DIP2C: variants seen among roughly 807,000 people sequenced by gnomAD.
The protein encoded by DIP2C is disco-interacting protein 2 homolog C.
A neutral mutation model predicts 192.4 loss-of-function variants in DIP2C; 33 were observed. That is an observed-to-expected ratio of 0.17 (90% confidence interval 0.13 to 0.23). The LOEUF (loss-of-function observed/expected upper bound fraction) is 0.23. Among genes scored for constraint, DIP2C ranks in the 10% least tolerant of loss-of-function variants. DIP2C has a pLI of 1.00. For missense variants in DIP2C, 1,537 were observed against 2,110.1 expected, an observed-to-expected ratio of 0.73 and a Z score of 5.32; for synonymous variants, 979 against 864.1, an observed-to-expected ratio of 1.13 and a Z score of -2.33.
rs530250012 is a variant in DIP2C at position 661,937 on chromosome 10, C to G, written c.85+27557G>C. The G allele has an allele frequency of 1.1e-4, 77 of 675,276 alleles. No individual in the cohort carries two copies. In the African/African-American group the frequency reaches 1.2e-3, roughly 10 times the overall value. The allele number at this position is 675,276 out of a possible 1,614,324, so 41.8% of individuals were successfully genotyped here. ...TCACAGCTTCATCTGCCTTCCTGCA[C>G]TCCCTCTTCCCCTCCTGACCCAGGC... On this transcript the variant is annotated intron_variant, in intron 1 of 36. Coordinates refer to ENST00000280886, the MANE Select transcript of DIP2C (RefSeq NM_014974.3).
intron 15 of DIP2C, 125 bp from the exon 16 acceptor site, chr10:384,271 CTTTTTTTTTTTTTTTT>C (rs35461394): frequency 1.3e-4 from 40 of 301,936 alleles, no homozygotes; most frequent in Admixed American, 3.0e-4. Flanking sequence ...CCCCACAAAC[CTTTTTTTTTTTTTTTT>C]TTTTTTTTTT....
At chr10:663,300 T>TG (rs1242650148) in intron 1 of DIP2C, 1 of 182,580 alleles carries the variant, frequency 5.5e-6, no homozygotes, top group African/African-American at 2.3e-5. Context: ...AAGGCCTGGC[T>TG]GGAACTTCGT....
At chr10:522,597 G>A (rs1446272715) in intron 1 of DIP2C, among the ~76,000 whole-genome samples, 6 of 152,366 alleles carry the variant, frequency 3.9e-5, no homozygotes, top group Non-Finnish European at 8.8e-5. Context: ...AGGCTGCTGG[G>A]TGCGCAGTGG....
chr10:586,555 G>A (rs1039316588), intron 1 of DIP2C, among the ~76,000 whole-genome samples: 8 of 152,166 alleles, frequency 5.3e-5, no homozygotes, highest in African/African-American at 1.7e-4. Flanking sequence ...GGCTGTGCTC[G>A]GAAGGTGCCC....
At chr10:548,522 GCA>G (rs2130933762) in intron 1 of DIP2C, among the ~76,000 whole-genome samples, 1 of 148,804 alleles carries the variant, frequency 6.7e-6, no homozygotes, top group African/African-American at 2.5e-5. Context: ...AGGGAGGGAG[GCA>G]GGCAGGCAGG....
chr10:549,681 G>A (rs978244937), intron 1 of DIP2C, among the ~76,000 whole-genome samples: 3 of 152,170 alleles, frequency 2.0e-5, no homozygotes, highest in Admixed American at 6.5e-5. Context: ...CCAGGTGCTG[G>A]AGGCAGCGGG....
intron 6 of DIP2C, among the ~76,000 whole-genome samples, chr10:417,938 C>CCTGTCAGAGCTCG (rs1564686178): frequency 3.9e-5 from 1 of 25,908 alleles, no homozygotes; most frequent in African/African-American, 1.3e-4. Context: ...GTCAGGGCTT[C>CCTGTCAGAGCTCG]GATAGGCCTC....
chr10:527,527 A>G (rs574323362), intron 1 of DIP2C, among the ~76,000 whole-genome samples: 2 of 152,380 alleles, frequency 1.3e-5, no homozygotes, highest in East Asian at 3.9e-4. Context: ...AGTAGCAGCA[A>G]GAGTTTGTTG....
chr10:530,072 C>T (rs1008431673), intron 1 of DIP2C, among the ~76,000 whole-genome samples: 1 of 152,236 alleles, frequency 6.6e-6, no homozygotes, highest in African/African-American at 2.4e-5. Context: ...CACACGATGC[C>T]GAGTCTCCAC....
At chr10:482,634 A>G (rs1843687937) in intron 2 of DIP2C, among the ~76,000 whole-genome samples, 1 of 152,176 alleles carries the variant, frequency 6.6e-6, no homozygotes, top group Non-Finnish European at 1.5e-5. Flanking sequence ...ACAAACACAT[A>G]AGAAGTTGCT....
At chr10:343,072 A>C (rs1360212280) in intron 28 of DIP2C, among the ~76,000 whole-genome samples, 1 of 152,130 alleles carries the variant, frequency 6.6e-6, no homozygotes, top group Non-Finnish European at 1.5e-5. Flanking sequence ...GGCAGATCAC[A>C]AGGTCAGGAG....
At chr10:333,300 A>G (rs1326615381) in intron 29 of DIP2C, among the ~76,000 whole-genome samples, 1 of 152,234 alleles carries the variant, frequency 6.6e-6, no homozygotes, top group Non-Finnish European at 1.5e-5. Flanking sequence ...ATAAAATTGA[A>G]GAGTTGTAAA....
At chr10:650,291 G>A in intron 1 of DIP2C, 2 of 716,862 alleles carry the variant, frequency 2.8e-6, no homozygotes, top group South Asian at 1.5e-5. Flanking sequence ...GCGATTTCAG[G>A]GCCAGGGACC....
At chr10:626,136 G>A (rs1035614734) in intron 1 of DIP2C, among the ~76,000 whole-genome samples, 5 of 152,204 alleles carry the variant, frequency 3.3e-5, no homozygotes, top group Non-Finnish European at 7.3e-5. Flanking sequence ...ACGCTAACGA[G>A]GGCTGACACT....
At chr10:294,184 C>T (rs999964180) in intron 32 of DIP2C, among the ~76,000 whole-genome samples, 5 of 152,124 alleles carry the variant, frequency 3.3e-5, no homozygotes, top group Non-Finnish European at 5.9e-5. Flanking sequence ...ACTGAGCCGA[C>T]CTTGCAGCCC....
chr10:662,193 C>G, intron 1 of DIP2C: 1 of 702,330 alleles, frequency 1.4e-6, no homozygotes, highest in South Asian at 1.6e-5. Flanking sequence ...TATCTATACA[C>G]AAAGAGTACA....
chr10:605,150 CCT>C (rs1030672548), intron 1 of DIP2C, among the ~76,000 whole-genome samples: 1 of 152,194 alleles, frequency 6.6e-6, no homozygotes, highest in Non-Finnish European at 1.5e-5. Flanking sequence ...CCTGGCTTCC[CCT>C]CTGATGCAGA....
chr10:342,483 C>T (rs890259989), intron 28 of DIP2C, among the ~76,000 whole-genome samples: 4 of 152,130 alleles, frequency 2.6e-5, no homozygotes, highest in African/African-American at 4.8e-5. Flanking sequence ...TCTAACACAC[C>T]GTCCCACAGG....
chr10:619,488 G>C (rs144914508), intron 1 of DIP2C, among the ~76,000 whole-genome samples: 1 of 151,392 alleles, frequency 6.6e-6, no homozygotes, highest in Admixed American at 6.6e-5. Flanking sequence ...GGAAGACGCA[G>C]AATATCGGGA....
Sources: gnomAD v4.1 joint callset for allele counts (sites outside exome capture counted in the v4.1 genomes callset) on GRCh38, gnomAD v4.1.1 for gene constraint, MANE v1.5 for transcripts, NCBI Gene and HGNC (gene_info 2026-07-23, HGNC 2026-07-21) for gene names.